EIF2B1: variants seen among roughly 807,000 people sequenced by gnomAD.
The protein encoded by EIF2B1 is eukaryotic translation initiation factor 2B subunit alpha.
Under a neutral mutation model 36.8 loss-of-function variants are expected in EIF2B1, and 30 were observed. That is an observed-to-expected ratio of 0.81 (90% CI 0.61 to 1.10). EIF2B1 has a LOEUF of 1.10. Among genes scored for constraint, EIF2B1 ranks in the 50% least tolerant of loss-of-function variants. The probability of loss-of-function intolerance (pLI) is 0.00; values close to 1 mark genes in which losing one functional copy is unlikely to be tolerated. For missense variants in EIF2B1, 271 were observed against 374.8 expected (o/e 0.72, Z 2.29); for synonymous variants, 139 against 142.2 (o/e 0.98, Z 0.16).
chr12:123,623,618 A>G (rs1402657980), intron 7 of EIF2B1, among the ~76,000 whole-genome samples: 1 of 151,390 alleles, frequency 6.6e-6, no homozygotes, highest in East Asian at 2.0e-4. Flanking sequence ...GATTACAGGC[A>G]CCCGCCACCA....
chr12:123,620,629 A>ATATATAG lies in EIF2B1; in HGVS notation c.*1126_*1127insCTATATA, dbSNP rs1566211855. 1 of 60,830 alleles carries ATATATAG rather than the reference A, an allele frequency of 1.6e-5. No individual in the cohort carries two copies. Among genetic ancestry groups the ATATATAG allele is most frequent in the Non-Finnish European group, 3.4e-5 (1 of 29,206 alleles). The allele number at this position is 60,830 out of a possible 1,614,324, so 3.8% of individuals were successfully genotyped here. ...ATATATATATATATATATATATATA[A>ATATATAG]GCTCTTTTTTCTGAGGCTATTTTAT... is the stretch of plus-strand genomic sequence containing the variant. On this transcript the variant is annotated 3_prime_UTR_variant, in exon 9 of 9. Coordinates refer to ENST00000424014, the MANE Select transcript of EIF2B1 (RefSeq NM_001414.4).
chr12:123,625,056 A>G (rs1031907021), intron 6 of EIF2B1, among the ~76,000 whole-genome samples, 194 bp from the exon 7 acceptor site: 3 of 151,990 alleles, frequency 2.0e-5, no homozygotes, highest in African/African-American at 4.8e-5. Flanking sequence ...TGACCCTACA[A>G]TGAGACATAC....
At chr12:123,631,575 G>A (rs956422206) in intron 2 of EIF2B1, among the ~76,000 whole-genome samples, 6 of 151,350 alleles carry the variant, frequency 4.0e-5, no homozygotes, top group African/African-American at 7.3e-5. Context: ...TTGGGAGGCC[G>A]ACATGGGCGG....
chr12:123,629,505 G>C (rs1302051670), intron 4 of EIF2B1, among the ~76,000 whole-genome samples: 1 of 152,078 alleles, frequency 6.6e-6, no homozygotes, highest in Non-Finnish European at 1.5e-5. Context: ...ATTAAATCAA[G>C]AATCAGGGCC....
In EIF2B1 at chr12:123,630,099, G is replaced by A. The variant is rs865958824; in HGVS notation, c.369+70C>T. ...CCACAGCAAGTGAGTGGCAGAGCCC[G>A]GATTTTACCCCAGGCAGTCGGACTC... On this transcript the variant is annotated intron_variant, in intron 4 of 8. Coordinates refer to ENST00000424014, the MANE Select transcript of EIF2B1 (RefSeq NM_001414.4). The surrounding 1 kb of genome is among the most constrained non-coding windows in gnomAD (Gnocchi z 4.6). 8.3e-5 allele frequency: 115 copies of A among 1,392,640 alleles called. No individual in the cohort carries two copies. The highest frequency in any genetic ancestry group is 3.5e-4 in the Middle Eastern group (2 of 5,682). 86.3% of individuals were successfully genotyped at this position (1,392,640 alleles called of 1,614,324 possible). A position where few individuals can be genotyped will look rare whatever the true frequency, so the allele number is the denominator to read the frequency against.
Position 123,621,618 on chromosome 12 carries a change from A to T in EIF2B1, c.*138T>A, listed in dbSNP as rs112432594. 3 of 1,060,204 alleles carry T rather than the reference A, an allele frequency of 2.8e-6. No individual in the cohort carries two copies. The highest frequency in any genetic ancestry group is 3.1e-5 in the African/African-American group (2 of 63,752). 65.7% of individuals were successfully genotyped at this position (1,060,204 alleles called of 1,614,324 possible). A position where few individuals can be genotyped will look rare whatever the true frequency, so the allele number is the denominator to read the frequency against. The stretch of plus-strand genomic sequence containing the variant: ...AAATGAGTAAGAAAGGTTCTCCAAG[A>T]TGTATGATTTTAAGTCCTTACTCCA... On this transcript the variant is annotated 3_prime_UTR_variant, in exon 9 of 9. Coordinates refer to ENST00000424014, the MANE Select transcript of EIF2B1 (RefSeq NM_001414.4).
At chr12:123,633,427 C>A in intron 1 of EIF2B1, 118 bp downstream of exon 1, 1 of 1,474,438 alleles carries the variant, frequency 6.8e-7, no homozygotes, top group South Asian at 1.1e-5. Context: ...ACACAACCAG[C>A]GGAGCAGCCT....
In EIF2B1 at chr12:123,621,273, C is replaced by T. The variant is rs916556316; in HGVS notation, c.*483G>A. 1 of 250,992 alleles carries T rather than the reference C, an allele frequency of 4.0e-6. No homozygotes were observed. Among genetic ancestry groups the T allele is most frequent in the South Asian group, 4.9e-5 (1 of 20,442 alleles). The allele number at this position is 250,992 out of a possible 1,614,324, so 15.5% of individuals were successfully genotyped here. On this transcript the variant is annotated 3_prime_UTR_variant, in exon 9 of 9. Transcript: ENST00000424014. ...TGGCTTGATCCTGCTGAGGAATGTG[C>T]TTACCACTGGAAGCCAGATGCAGAT...
intron 1 of EIF2B1, among the ~76,000 whole-genome samples, chr12:123,632,901 G>C (rs1050054969): frequency 2.1e-5 from 3 of 145,408 alleles, no homozygotes; most frequent in Non-Finnish European, 4.5e-5. Context: ...AGCCGAGACT[G>C]CGCCACTGCA....
In EIF2B1 at chr12:123,632,427, CTTAAAGTA is replaced by C; in HGVS notation, c.25_32del (p.Tyr9ValfsTer8). On this transcript the variant is annotated frameshift_variant, in exon 2 of 9. Transcript: ENST00000424014. LOFTEE classifies it high-confidence loss of function. ...TGTCAGGATCTTCTTTCATCTGAGA[CTTAAAGTA>C]TTCAATTAACTCTGGAAAAAGGGAA... The C allele has an allele frequency of 6.2e-7, 1 of 1,613,224 alleles. No individual in the cohort carries two copies. The highest frequency in any genetic ancestry group is 8.5e-7 in the Non-Finnish European group (1 of 1,179,580).
rs752718993 is a variant in EIF2B1, at chr12:123,626,475, G to A, written c.501C>T (p.Ala167=). Residue 167 remains alanine, a synonymous_variant, in exon 6 of 9, where the codon GCC becomes GCT. Transcript: ENST00000424014. ...PDLSGKKMAK[A]LCHLNVPVTV... ...TGACAGGGACGTTGAGGTGGCAGAG[G>A]GCTTTGGCCATTTTCTTACTGAAGA... 29 of 1,613,940 alleles carry A rather than the reference G, an allele frequency of 1.8e-5. No homozygotes were observed. The highest frequency in any genetic ancestry group is 4.0e-5 in the African/African-American group (3 of 74,890).
rs1397936148 is a variant in EIF2B1 at position 123,621,644 on chromosome 12, TA to T, written c.*111del. On this transcript the variant is annotated 3_prime_UTR_variant, in exon 9 of 9. Transcript: ENST00000424014. ...TGTATGATTTTAAGTCCTTACTCCA[TA>T]AATCTTCATTAAACACATCTCAGTT... 7.5e-5 allele frequency: 104 copies of T among 1,388,438 alleles called. No homozygotes were observed. In the African/African-American group the frequency reaches 1.3e-3, roughly 17 times the overall value. The allele number at this position is 1,388,438 out of a possible 1,614,324, so 86.0% of individuals were successfully genotyped here.
intron 4 of EIF2B1, among the ~76,000 whole-genome samples, chr12:123,628,140 C>T (rs1387884880): frequency 1.3e-5 from 2 of 152,026 alleles, no homozygotes; most frequent in African/African-American, 4.8e-5. Context: ...ACTGTAGCCT[C>T]GACATCCTGG....
chr12:123,623,208 C>T (rs1955121070), intron 7 of EIF2B1, among the ~76,000 whole-genome samples: 1 of 151,826 alleles, frequency 6.6e-6, no homozygotes, highest in South Asian at 2.1e-4. Flanking sequence ...AGGGAAACCC[C>T]ATCTCTACTA....
Position 123,633,567 on chromosome 12 carries a change from C to T in EIF2B1, c.-10G>A, listed in dbSNP as rs1224936106. 2 of 1,611,286 alleles carry T rather than the reference C, an allele frequency of 1.2e-6. No homozygotes were observed. The highest frequency in any genetic ancestry group is 1.1e-5 in the South Asian group (1 of 91,078). ...TACCCTTGTCGTCCATGGCGTCCTC[C>T]TGCTGCGGAGCCCCAGGGGACCCGA... On this transcript the variant is annotated 5_prime_UTR_variant, in exon 1 of 9. Transcript: ENST00000424014.
At chr12:123,624,912 T>C (rs749266843) in intron 6 of EIF2B1, 50 bp from the exon 7 acceptor site, 14 of 1,486,086 alleles carry the variant, frequency 9.4e-6, no homozygotes, top group Non-Finnish European at 1.3e-5. Context: ...CTCTAACGAG[T>C]AGCATCATCA....
At chr12:123,628,171 T>C (rs111286209) in intron 4 of EIF2B1, among the ~76,000 whole-genome samples, 7 of 152,138 alleles carry the variant, frequency 4.6e-5, no homozygotes, top group African/African-American at 1.7e-4. Flanking sequence ...TCCTCCCACC[T>C]CAGCCACCCC....
chr12:123,624,049 T>G (rs1316107313), intron 7 of EIF2B1, among the ~76,000 whole-genome samples: 1 of 149,350 alleles, frequency 6.7e-6, no homozygotes, highest in African/African-American at 2.4e-5. Flanking sequence ...TTAAAATATA[T>G]ATAATATTTA....
At chr12:123,628,913 A>G (rs76328254) in intron 4 of EIF2B1, among the ~76,000 whole-genome samples, 11,296 of 152,272 alleles carry the variant, frequency 0.074, 591 homozygotes, top group African/African-American at 0.14. Context: ...GACTGCAGGT[A>G]AAGTACATAC....
Sources: allele counts gnomAD v4.1 joint callset (sites outside exome capture counted in the v4.1 genomes callset), GRCh38; gene constraint gnomAD v4.1.1; non-coding constraint Gnocchi (gnomAD v3.1); transcripts MANE v1.5; gene names NCBI Gene and HGNC (gene_info 2026-07-23, HGNC 2026-07-21).